The following SUPT3H variants were observed in gnomAD, a reference collection of about 807,000 sequenced individuals.
SUPT3H encodes the protein SPT3 homolog, SAGA and STAGA complex component, also known as transcription initiation protein SPT3 homolog.
In SUPT3H, 44 loss-of-function variants were observed where a neutral mutation model predicts 44.3. That is an observed-to-expected ratio of 0.99 (90% CI 0.78 to 1.28). SUPT3H has a LOEUF of 1.28. SUPT3H is among the 50% of genes most tolerant of loss of function. The probability of loss-of-function intolerance (pLI) is 0.00; values close to 1 mark genes in which losing one functional copy is unlikely to be tolerated. For synonymous variants in SUPT3H, 124 were observed against 125.6 expected (o/e 0.99, Z 0.09); for missense variants, 380 against 387.1 (o/e 0.98, Z 0.15).
intron 2 of SUPT3H, among the ~76,000 whole-genome samples, chr6:45,302,648 T>C (rs1349982852): frequency 6.6e-6 from 1 of 151,324 alleles, no homozygotes; most frequent in Non-Finnish European, 1.5e-5. Context: ...GCTGTAAACA[T>C]GTGTGTGCAA....
chr6:45,229,145 G>A (rs1767489521), intron 2 of SUPT3H, among the ~76,000 whole-genome samples: 1 of 151,868 alleles, frequency 6.6e-6, no homozygotes, highest in Non-Finnish European at 1.5e-5. Context: ...TCATGAGTTT[G>A]GTAAAAACTG....
chr6:45,021,638 C>T (rs1785150653), intron 3 of SUPT3H, among the ~76,000 whole-genome samples: 1 of 151,910 alleles, frequency 6.6e-6, no homozygotes. Flanking sequence ...AAAAGATAAA[C>T]CTAACACATT....
chr6:45,285,166 C>T (rs967048866), intron 2 of SUPT3H, among the ~76,000 whole-genome samples: 4 of 151,402 alleles, frequency 2.6e-5, no homozygotes, highest in African/African-American at 7.3e-5. Flanking sequence ...GGAAGCATTC[C>T]CTTTGAAAAC....
intron 2 of SUPT3H, among the ~76,000 whole-genome samples, chr6:45,221,467 CAG>C (rs1296356021): frequency 6.6e-6 from 1 of 151,914 alleles, no homozygotes; most frequent in South Asian, 2.1e-4. Context: ...CATGTGAAAA[CAG>C]AAATTAAAAT....
chr6:45,095,977 T>C lies in SUPT3H; in HGVS notation c.186+9945A>G, dbSNP rs1313755363. 6.6e-6 allele frequency among the ~76,000 whole-genome samples: 1 copy of C among 152,112 alleles called. No individual in the cohort carries two copies. Among genetic ancestry groups the C allele is most frequent in the Non-Finnish European group, 1.5e-5 (1 of 67,990 alleles). On this transcript the variant is annotated intron_variant, in intron 3 of 10. Coordinates refer to ENST00000371459, the MANE Select transcript of SUPT3H (RefSeq NM_003599.4). The surrounding 1 kb of genome is among the most constrained non-coding windows in gnomAD (Gnocchi z 4.1). ...TCAATCATGCCATTAAATAGCCCCA[T>C]TATTAACGACAATAGCAACTATTAC...
intron 2 of SUPT3H, among the ~76,000 whole-genome samples, chr6:45,191,877 A>C (rs1204771409): frequency 6.6e-6 from 1 of 152,122 alleles, no homozygotes; most frequent in African/African-American, 2.4e-5. Flanking sequence ...CTGTGGCTTA[A>C]ATAATTCAGG....
intron 3 of SUPT3H, among the ~76,000 whole-genome samples, chr6:45,022,879 A>T (rs1785369767): frequency 6.6e-6 from 1 of 152,076 alleles, no homozygotes; most frequent in African/African-American, 2.4e-5. Context: ...CTCCTTATAG[A>T]GGAGTTTCAC....
chr6:45,176,546 G>A (rs1302576566), intron 2 of SUPT3H, among the ~76,000 whole-genome samples: 329 of 142,598 alleles, frequency 2.3e-3, no homozygotes, highest in Non-Finnish European at 2.5e-3. Context: ...AAAGCAGCCA[G>A]GAAGCTCGAA....
chr6:45,034,373 C>T (rs991644825), intron 3 of SUPT3H, among the ~76,000 whole-genome samples: 1 of 151,908 alleles, frequency 6.6e-6, no homozygotes, highest in African/African-American at 2.4e-5. Flanking sequence ...GACTAGCCTC[C>T]TGGAACACAG....
intron 2 of SUPT3H, among the ~76,000 whole-genome samples, chr6:45,256,450 C>T (rs1427610520): frequency 5.9e-5 from 9 of 152,002 alleles, no homozygotes; most frequent in Admixed American, 5.9e-4. Flanking sequence ...TTAATCTCAT[C>T]GATGAGGGCA....
intron 3 of SUPT3H, among the ~76,000 whole-genome samples, chr6:45,101,358 G>A (rs1798545589): frequency 6.6e-6 from 1 of 152,228 alleles, no homozygotes; most frequent in Non-Finnish European, 1.5e-5. Context: ...CCGGGAGGCG[G>A]AGGTTGCGGT....
At chr6:45,072,256 A>C (rs151053624) in intron 3 of SUPT3H, among the ~76,000 whole-genome samples, 1,917 of 152,234 alleles carry the variant, frequency 0.013, 23 homozygotes, top group Middle Eastern at 0.024. Context: ...CAAACCTCTA[A>C]CACCACCAAG....
At chr6:44,980,903 A>C (rs1779003843) in intron 6 of SUPT3H, among the ~76,000 whole-genome samples, 1 of 152,238 alleles carries the variant, frequency 6.6e-6, no homozygotes, top group Admixed American at 6.5e-5. Context: ...TTCCAAAAAG[A>C]TTAAGAAGCG....
At position 45,366,315 on chromosome 6, in the gene SUPT3H, T is replaced by TA. The variant is rs1310814338; in HGVS notation, c.1-1015_1-1014insT. Among the ~76,000 whole-genome samples the TA allele has an allele frequency of 2.0e-5, 3 of 152,190 alleles. No individual in the cohort carries two copies. The East Asian group carries it at 5.8e-4, about 29-fold the overall frequency. Reference sequence around the variant, plus strand: ...GATTTGAATCCCAGCTCCGCTCCTTTGCTAAGACTTTGGGCAAGTTACCTA... The same window carrying TA: ...GATTTGAATCCCAGCTCCGCTCCTTTAGCTAAGACTTTGGGCAAGTTACCTA... On this transcript the variant is annotated intron_variant, in intron 1 of 10. Transcript: ENST00000371459.
chr6:45,333,399 A>C (rs1226053770), intron 2 of SUPT3H, among the ~76,000 whole-genome samples: 2 of 151,562 alleles, frequency 1.3e-5, no homozygotes, highest in Non-Finnish European at 3.0e-5. Flanking sequence ...ATTCAGATTA[A>C]ATGCTCTTTT....
chr6:45,040,921 A>C (rs1395557705), intron 3 of SUPT3H, among the ~76,000 whole-genome samples: 6 of 152,196 alleles, frequency 3.9e-5, no homozygotes, highest in Admixed American at 2.6e-4. Context: ...CTCAATGAGC[A>C]ATTTATTTTT....
chr6:45,158,950 CAAGG>C (rs1478676821), intron 2 of SUPT3H: 1 of 152,150 alleles, frequency 6.6e-6, no homozygotes, highest in Non-Finnish European at 1.5e-5. Flanking sequence ...AATCCAATGG[CAAGG>C]AAGACACATT....
At chr6:45,313,217 A>G (rs1784223105) in intron 2 of SUPT3H, among the ~76,000 whole-genome samples, 1 of 152,190 alleles carries the variant, frequency 6.6e-6, no homozygotes, top group African/African-American at 2.4e-5. Context: ...ATCTAAAGTC[A>G]CGCCTCAGGG....
At chr6:44,974,695 T>C (rs532195571) in intron 6 of SUPT3H, among the ~76,000 whole-genome samples, 2 of 152,204 alleles carry the variant, frequency 1.3e-5, no homozygotes, top group African/African-American at 2.4e-5. Context: ...CCTGACATCA[T>C]GGTCTGTTGC....
Sources: gnomAD v4.1 joint callset for allele counts (sites outside exome capture counted in the v4.1 genomes callset) on GRCh38, gnomAD v4.1.1 for gene constraint, Gnocchi (gnomAD v3.1) non-coding constraint, MANE v1.5 for transcripts, NCBI Gene and HGNC (gene_info 2026-07-23, HGNC 2026-07-21) for gene names.